The following KLHL2 variants were observed in gnomAD, a reference collection of about 807,000 sequenced individuals.
KLHL2 encodes the protein kelch-like protein 2.
Under a neutral mutation model 75.8 loss-of-function variants are expected in KLHL2, and 15 were observed. That is an observed-to-expected ratio of 0.20 (90% CI 0.13 to 0.30). The LOEUF is 0.30. Among genes scored for constraint, KLHL2 ranks in the 10% least tolerant of loss-of-function variants. KLHL2 has a pLI of 1.00. For synonymous variants in KLHL2, 214 were observed against 251.9 expected (o/e 0.85, Z 1.42); for missense variants, 381 against 741.0 (o/e 0.51, Z 5.64).
intron 2 of KLHL2, among the ~76,000 whole-genome samples, chr4:165,221,253 T>C (rs1400972825): frequency 6.6e-6 from 1 of 152,236 alleles, no homozygotes; most frequent in African/African-American, 2.4e-5. Context: ...AATAATTTAC[T>C]GTAATGATAG....
chr4:165,262,398 A>G (rs1484015798), intron 4 of KLHL2, among the ~76,000 whole-genome samples: 1 of 152,206 alleles, frequency 6.6e-6, no homozygotes, highest in Non-Finnish European at 1.5e-5. Context: ...TATGATACTC[A>G]TACAGTGGAA....
At chr4:165,256,480 C>A (rs1741179955) in intron 4 of KLHL2, among the ~76,000 whole-genome samples, 1 of 152,062 alleles carries the variant, frequency 6.6e-6, no homozygotes, top group South Asian at 2.1e-4. Context: ...CTACAAAACA[C>A]TGGCTTGATG....
At chr4:165,212,708 GTTTA>G (rs1737272168) in intron 1 of KLHL2, among the ~76,000 whole-genome samples, 2 of 152,342 alleles carry the variant, frequency 1.3e-5, no homozygotes, top group African/African-American at 4.8e-5. Flanking sequence ...AAGAAGTAGA[GTTTA>G]AGTTACTCTC....
rs1351171490 is a variant in KLHL2 at position 165,299,673 on chromosome 4, A to G, written c.921+17A>G. Reference sequence around the variant, plus strand: ...CTTCCCAAAGTAGGATCTGTTTCTCATGCTTGTTATTACCTCATGCAAAAG... The same window carrying G: ...CTTCCCAAAGTAGGATCTGTTTCTCGTGCTTGTTATTACCTCATGCAAAAG... On this transcript the variant is annotated intron_variant, in intron 8 of 14. Coordinates refer to ENST00000226725, the MANE Select transcript of KLHL2 (RefSeq NM_007246.4). 2.5e-6 allele frequency: 4 copies of G among 1,577,912 alleles called. No individual in the cohort carries two copies. The highest frequency in any genetic ancestry group is 3.4e-6 in the Non-Finnish European group (4 of 1,161,918).
chr4:165,297,249 T>C (rs1261746564), intron 6 of KLHL2, among the ~76,000 whole-genome samples: 1 of 152,218 alleles, frequency 6.6e-6, no homozygotes, highest in Non-Finnish European at 1.5e-5. Context: ...TATATTCTGC[T>C]ATTACAGAGC....
At position 165,310,898 on chromosome 4, in the gene KLHL2, A is replaced by C. The variant is rs551190938; in HGVS notation, c.1237+148A>C. 14 of 628,368 alleles carry C rather than the reference A, an allele frequency of 2.2e-5. 1 individual carries two copies. The South Asian group carries it at 2.7e-4, about 12-fold the overall frequency. The allele number at this position is 628,368 out of a possible 1,614,324, so 38.9% of individuals were successfully genotyped here. A position where few individuals can be genotyped will look rare whatever the true frequency, so the allele number is the denominator to read the frequency against. Reference sequence around the variant, plus strand: ...GAGATGGAGTCTTGCTCCGTCGCCCAGGCTGGAGTACAGTGGCGCAATCTC... The same window carrying C: ...GAGATGGAGTCTTGCTCCGTCGCCCCGGCTGGAGTACAGTGGCGCAATCTC... On this transcript the variant is annotated intron_variant, in intron 10 of 14. Transcript: ENST00000226725.
At position 165,314,041 on chromosome 4, in the gene KLHL2, A is replaced by G; in HGVS notation, c.1484A>G (p.Asn495Ser). The G allele has an allele frequency of 6.2e-7, 1 of 1,613,112 alleles. No homozygotes were observed. The highest frequency in any genetic ancestry group is 8.5e-7 in the Non-Finnish European group (1 of 1,179,504). ...TGTTTTATAGGTGTTGGTGTGTTAA[A>G]CAATTTATTGTATGCTGTAGGAGGT... ...RRSGAGVGVLNNLLYAVGGHD... is the reference protein window; with the variant it reads ...RRSGAGVGVLSNLLYAVGGHD... The change falls in exon 13 of 15, where the codon AAC becomes AGC. Residue 495 changes from asparagine to serine, a missense_variant. Around this residue, in one of 5 missense-constraint regions of KLHL2, gnomAD observed 168 missense variants for 370.4 expected, o/e 0.45. Coordinates refer to ENST00000226725, the MANE Select transcript of KLHL2 (RefSeq NM_007246.4).
chr4:165,238,877 A>T lies in KLHL2; in HGVS notation c.359A>T (p.Gln120Leu), dbSNP rs751516499. The T allele has an allele frequency of 9.3e-6, 15 of 1,613,778 alleles. No individual in the cohort carries two copies. The highest frequency in any genetic ancestry group is 1.3e-5 in the African/African-American group (1 of 74,910). ...LIDYVYTAEI[Q>L]VTEENVQVLL... ...GATTATGTTTACACTGCAGAAATTC[A>T]GGTTACAGAAGAAAATGTACAGGTA... Residue 120 changes from glutamine to leucine, a missense_variant, in exon 4 of 15, where the codon CAG (glutamine) becomes CTG (leucine). Gln to Leu is a moderately radical substitution (Grantham distance 113, BLOSUM62 -2). Coordinates refer to ENST00000226725, the MANE Select transcript of KLHL2 (RefSeq NM_007246.4).
chr4:165,217,476 G>A (rs1737630167), intron 1 of KLHL2, among the ~76,000 whole-genome samples: 1 of 152,190 alleles, frequency 6.6e-6, no homozygotes, highest in Admixed American at 6.5e-5. Flanking sequence ...ACACCTTCAA[G>A]AGGGCATAGG....
chr4:165,267,564 G>T (rs575203362), intron 5 of KLHL2, among the ~76,000 whole-genome samples: 1 of 152,170 alleles, frequency 6.6e-6, no homozygotes, highest in Non-Finnish European at 1.5e-5. Flanking sequence ...CATCTATTGG[G>T]ATAATCATGT....
In KLHL2 at chr4:165,322,267, G is replaced by A; in HGVS notation, c.*207G>A. 1 of 547,876 alleles carries A rather than the reference G, an allele frequency of 1.8e-6. No individual in the cohort carries two copies. 33.9% of individuals were successfully genotyped at this position (547,876 alleles called of 1,614,324 possible). A position where few individuals can be genotyped will look rare whatever the true frequency, so the allele number is the denominator to read the frequency against. On this transcript the variant is annotated 3_prime_UTR_variant, in exon 15 of 15. Transcript: ENST00000226725. ...TAGGCTTTTTCTGCAATGAGCAGCA[G>A]CTGACTGAATTTTCATAAGAAACTT...
intron 8 of KLHL2, among the ~76,000 whole-genome samples, chr4:165,302,718 C>G (rs1371118621): frequency 6.6e-6 from 1 of 151,872 alleles, no homozygotes; most frequent in Admixed American, 6.6e-5. Flanking sequence ...TATTTTTACC[C>G]AGTATATTTA....
At chr4:165,260,799 A>T (rs973220695) in intron 4 of KLHL2, among the ~76,000 whole-genome samples, 3 of 152,188 alleles carry the variant, frequency 2.0e-5, no homozygotes, top group African/African-American at 7.2e-5. Context: ...TATCTTGTGC[A>T]TGTGAGATTT....
chr4:165,214,184 C>T (rs182317981), intron 1 of KLHL2, among the ~76,000 whole-genome samples: 79 of 152,118 alleles, frequency 5.2e-4, no homozygotes, highest in South Asian at 2.1e-3. Context: ...ATTGCGGAGT[C>T]GTATTGCCGC....
intron 3 of KLHL2, among the ~76,000 whole-genome samples, chr4:165,236,781 A>G (rs1248304954): frequency 6.6e-6 from 1 of 152,234 alleles, no homozygotes; most frequent in African/African-American, 2.4e-5. Flanking sequence ...TATTCAAAAC[A>G]GTATATAATT....
chr4:165,214,331 C>G (rs73875505), intron 1 of KLHL2, among the ~76,000 whole-genome samples: 1,760 of 152,272 alleles, frequency 0.012, 30 homozygotes, highest in African/African-American at 0.038. Flanking sequence ...TCACAAATAT[C>G]CCACTCTGAC....
chr4:165,280,755 G>A (rs1743604270), intron 5 of KLHL2, among the ~76,000 whole-genome samples: 1 of 152,178 alleles, frequency 6.6e-6, no homozygotes, highest in Non-Finnish European at 1.5e-5. Flanking sequence ...ACTACATGCA[G>A]TCTCTGCTAT....
intron 1 of KLHL2, among the ~76,000 whole-genome samples, chr4:165,215,391 T>C (rs1737472942): frequency 6.6e-6 from 1 of 152,176 alleles, no homozygotes; most frequent in South Asian, 2.1e-4. Context: ...AGAGCAATGC[T>C]AGTAAGATGC....
At chr4:165,280,993 A>G (rs1198478319) in intron 5 of KLHL2, among the ~76,000 whole-genome samples, 1 of 152,192 alleles carries the variant, frequency 6.6e-6, no homozygotes, top group East Asian at 1.9e-4. Context: ...AAGACCAGAG[A>G]TATTTCTGTT....
Sources: allele counts gnomAD v4.1 joint callset (sites outside exome capture counted in the v4.1 genomes callset), GRCh38; gene constraint gnomAD v4.1.1; regional missense constraint gnomAD v4.1.1; transcripts MANE v1.5; gene names NCBI Gene and HGNC (gene_info 2026-07-23, HGNC 2026-07-21).